WDR72: variants seen among roughly 807,000 people sequenced by gnomAD.
WDR72 encodes WD repeat-containing protein 72.
Under a neutral mutation model 124.2 loss-of-function variants are expected in WDR72, and 120 were observed. The ratio of observed to expected loss-of-function variants is 0.97; its 90% CI spans 0.83 to 1.12. WDR72 has a LOEUF of 1.12. Ranked by LOEUF, WDR72 falls within the 50% of genes most tolerant of loss-of-function variation. The pLI is 0.00. For synonymous variants in WDR72, 452 were observed against 441.7 expected (o/e 1.02, Z -0.29); for missense variants, 1,387 against 1,278.8 (o/e 1.08, Z -1.29).
At position 53,615,507 on chromosome 15, in the gene WDR72, G is replaced by A. The variant is rs781445007; in HGVS notation, c.2699C>T (p.Thr900Ile). Residue 900 changes from threonine (T) to isoleucine (I), a missense_variant, in exon 15 of 20, where the codon ACT becomes ATT. Transcript: ENST00000360509. ...TAGTCTGCTCAACAAATAAACTATA[G>A]TATCTGACTCTCGCAAAGAATCACA... is the stretch of plus-strand genomic sequence containing the variant. Reference protein sequence around the residue: ...NNCDSLRESDTIVYLLSRLFL... With the variant: ...NNCDSLRESDIIVYLLSRLFL... The A allele has an allele frequency of 1.2e-6, 2 of 1,612,648 alleles. No individual in the cohort carries two copies. Among genetic ancestry groups the A allele is most frequent in the South Asian group, 1.1e-5 (1 of 91,012 alleles).
At chr15:53,676,186 C>G (rs1413251180) in intron 13 of WDR72, among the ~76,000 whole-genome samples, 2 of 152,178 alleles carry the variant, frequency 1.3e-5, no homozygotes, top group Non-Finnish European at 2.9e-5. Context: ...AAAGGTAGGA[C>G]TGTCCTACCT....
chr15:53,670,078 G>T (rs955903195), intron 13 of WDR72, among the ~76,000 whole-genome samples: 2 of 152,044 alleles, frequency 1.3e-5, no homozygotes, highest in Non-Finnish European at 2.9e-5. Flanking sequence ...TTCAAAGTAG[G>T]TGTGCAAAAA....
intron 18 of WDR72, among the ~76,000 whole-genome samples, chr15:53,554,180 A>C (rs1020837577): frequency 6.6e-6 from 1 of 152,140 alleles, no homozygotes; most frequent in Non-Finnish European, 1.5e-5. Context: ...TGACTATGAT[A>C]GTCTTCTTCA....
At chr15:53,579,694 C>T (rs1037309765) in intron 18 of WDR72, among the ~76,000 whole-genome samples, 1 of 152,064 alleles carries the variant, frequency 6.6e-6, no homozygotes, top group Non-Finnish European at 1.5e-5. Context: ...GCAGGAAGAA[C>T]AAAGGGCTCA....
intron 18 of WDR72, among the ~76,000 whole-genome samples, chr15:53,584,674 C>T (rs2012105373): frequency 6.6e-6 from 1 of 151,938 alleles, no homozygotes; most frequent in Admixed American, 6.6e-5. Context: ...TGGTCTCTCT[C>T]TTTCAGAAAA....
intron 1 of WDR72, among the ~76,000 whole-genome samples, chr15:53,738,633 G>C (rs2018422435): frequency 6.6e-6 from 1 of 152,060 alleles, no homozygotes; most frequent in Admixed American, 6.5e-5. Context: ...TCTCGTTCTT[G>C]TCGCCCATGC....
upstream of WDR72, among the ~76,000 whole-genome samples, chr15:53,760,154 T>G (rs192177054): frequency 3.9e-3 from 590 of 152,192 alleles, 4 homozygotes; most frequent in African/African-American, 0.013. Context: ...ACCTCAGCAT[T>G]TATCCTTTGT....
At chr15:53,592,101 A>C (rs2012537261) in intron 18 of WDR72, among the ~76,000 whole-genome samples, 1 of 152,040 alleles carries the variant, frequency 6.6e-6, no homozygotes, top group African/African-American at 2.4e-5. Context: ...ATGTGATCCC[A>C]TTACACTTTG....
chr15:53,599,428 C>G (rs887069162), intron 17 of WDR72, among the ~76,000 whole-genome samples: 1 of 152,120 alleles, frequency 6.6e-6, no homozygotes, highest in South Asian at 2.1e-4. Context: ...ACCACAAATC[C>G]AACCTTTGAC....
At chr15:53,611,738 AT>A (rs36097219) in intron 16 of WDR72, among the ~76,000 whole-genome samples, 2,342 of 146,108 alleles carry the variant, frequency 0.016, 51 homozygotes, top group African/African-American at 0.052. Flanking sequence ...CTTGAGTCCC[AT>A]TTTTTTTTTT....
At chr15:53,703,554 C>T (rs2017249541) in intron 11 of WDR72, among the ~76,000 whole-genome samples, 1 of 151,784 alleles carries the variant, frequency 6.6e-6, no homozygotes, top group South Asian at 2.1e-4. Context: ...TCGGACAAGA[C>T]TGTTGTGTGG....
chr15:53,587,620 A>G (rs1354541801), intron 18 of WDR72, among the ~76,000 whole-genome samples: 1 of 152,062 alleles, frequency 6.6e-6, no homozygotes, highest in Middle Eastern at 3.2e-3. Flanking sequence ...GGAGCATTAC[A>G]AAATATTGGC....
At position 53,558,917 on chromosome 15, in the gene WDR72, T is replaced by C. The variant is rs565355730; in HGVS notation, c.3149-35595A>G. Among the ~76,000 whole-genome samples, 10 of 152,086 alleles carry C rather than the reference T, an allele frequency of 6.6e-5. 1 individual carries two copies. Among genetic ancestry groups the C allele is most frequent in the African/African-American group, 2.4e-4 (10 of 41,546 alleles). On this transcript the variant is annotated intron_variant, in intron 18 of 19. Coordinates refer to ENST00000360509, the MANE Select transcript of WDR72 (RefSeq NM_182758.4). ...AACTTAACTTTTTAGCCTTTAAAAATGGGACATTCTATTTCTTAGCTTATT... is the reference window on the plus strand; with the variant it reads ...AACTTAACTTTTTAGCCTTTAAAAACGGGACATTCTATTTCTTAGCTTATT...
intron 17 of WDR72, among the ~76,000 whole-genome samples, chr15:53,602,565 AAAAT>A (rs1224817467): frequency 4.6e-5 from 7 of 151,992 alleles, no homozygotes; most frequent in African/African-American, 1.7e-4. Context: ...TTTGGAAAAT[AAAAT>A]AAAATAAAAT....
Position 53,757,074 on chromosome 15 carries a change from T to C in WDR72, c.-13+2559A>G, listed in dbSNP as rs116077599. Among the ~76,000 whole-genome samples the C allele has an allele frequency of 8.2e-3, 1,249 of 152,272 alleles. 16 individuals carry two copies. The highest frequency in any genetic ancestry group is 0.028 in the African/African-American group (1,175 of 41,546). ...ATCTCTCTCATTTTGAAGATAAACG[T>C]GACACATGTAAATAAAGAAACTCCT... On this transcript the variant is annotated intron_variant, in intron 1 of 19. Coordinates refer to ENST00000360509, the MANE Select transcript of WDR72 (RefSeq NM_182758.4).
chr15:53,595,865 G>T (rs1017446218), intron 18 of WDR72, among the ~76,000 whole-genome samples: 1 of 152,106 alleles, frequency 6.6e-6, no homozygotes, highest in Non-Finnish European at 1.5e-5. Context: ...AAATAAACAT[G>T]CATATGACTT....
chr15:53,729,083 T>C (rs546687881), intron 2 of WDR72, among the ~76,000 whole-genome samples: 1 of 152,262 alleles, frequency 6.6e-6, no homozygotes, highest in East Asian at 1.9e-4. Context: ...AATAATACCA[T>C]CATTCTACCA....
At chr15:53,520,418 T>C (rs1891726653) in intron 19 of WDR72, among the ~76,000 whole-genome samples, 1 of 152,050 alleles carries the variant, frequency 6.6e-6, no homozygotes, top group Admixed American at 6.6e-5. Flanking sequence ...TACATAAAAA[T>C]GTTAAAAGGA....
At chr15:53,598,440 G>A (rs1467345547) in intron 17 of WDR72, among the ~76,000 whole-genome samples, 3 of 151,846 alleles carry the variant, frequency 2.0e-5, no homozygotes, top group East Asian at 1.9e-4. Flanking sequence ...GTGACCTAGA[G>A]ATGCTTTGGC....
Sources: gnomAD v4.1 joint callset for allele counts (sites outside exome capture counted in the v4.1 genomes callset) on GRCh38, gnomAD v4.1.1 for gene constraint, MANE v1.5 for transcripts, NCBI Gene and HGNC (gene_info 2026-07-23, HGNC 2026-07-21) for gene names.